The following FBXO27 variants were observed in gnomAD, a reference collection of about 807,000 sequenced individuals.
The protein encoded by FBXO27 is F-box only protein 27.
A neutral mutation model predicts 28.3 loss-of-function variants in FBXO27; 28 were observed. The observed-to-expected ratio is 0.99, with a 90% CI of 0.73 to 1.36. The LOEUF (loss-of-function observed/expected upper bound fraction) is 1.36, where lower values mean the gene tolerates loss of function less well. Among genes scored for constraint, FBXO27 ranks in the 40% most tolerant of loss-of-function variants. The pLI, the probability that FBXO27 is intolerant of heterozygous loss-of-function variation, is 0.00. For missense variants in FBXO27, 388 were observed against 394.1 expected (o/e 0.98, Z 0.13); for synonymous variants, 175 against 167.3 (o/e 1.05, Z -0.36).
chr19:39,031,213 A>G lies in FBXO27; in HGVS notation c.472T>C (p.Phe158Leu). The G allele has an allele frequency of 6.2e-7, 1 of 1,614,122 alleles. No homozygotes were observed. The highest frequency in any genetic ancestry group is 8.5e-7 in the Non-Finnish European group (1 of 1,180,006). ...TTGGATAGCAGGGGCATTCACCTGA[A>G]TGAAGTCACGAAGCACGTCTGAGAA... is the stretch of plus-strand genomic sequence containing the variant. ...APSQTCFVTS[F>L]SWCCKKQVLD... Residue 158 changes from phenylalanine (F) to leucine (L), a missense_variant, in exon 3 of 6, where the codon TTC becomes CTC. By Grantham distance (22) the Phe-to-Leu change is conservative. Coordinates refer to ENST00000292853, the MANE Select transcript of FBXO27 (RefSeq NM_178820.5).
intron 1 of FBXO27, among the ~76,000 whole-genome samples, chr19:39,018,458 C>T (rs921306291): frequency 2.6e-5 from 4 of 152,158 alleles, no homozygotes; most frequent in African/African-American, 9.6e-5. Context: ...TGATATCTTC[C>T]GGTTCTCGTT....
chr19:39,011,683 G>A (rs915064269), intron 2 of FBXO27, among the ~76,000 whole-genome samples: 1 of 51,932 alleles, frequency 1.9e-5, no homozygotes, highest in African/African-American at 5.8e-5. Flanking sequence ...ATTTTTCGCA[G>A]AGATGGCGGC....
chr19:39,016,030 C>G (rs980234929), intron 1 of FBXO27, among the ~76,000 whole-genome samples: 2 of 152,140 alleles, frequency 1.3e-5, no homozygotes, highest in Admixed American at 6.6e-5. Context: ...CAAGATCATG[C>G]CACTGCACTC....
At position 39,031,281 on chromosome 19, in the gene FBXO27, C is replaced by A. The variant is rs765866290; in HGVS notation, c.404G>T (p.Gly135Val). ...TGTCCTGTTTTCCTCCACCACCCAG[C>A]CGTCCCCACCGTGTTGCACCATCCA... is the stretch of plus-strand genomic sequence containing the variant. ...RKWMVQHGGD[G>V]WVVEENRTTV... The change falls in exon 3 of 6, where the codon GGC (glycine) becomes GTC (valine). Residue 135 changes from glycine (G) to valine (V), a missense_variant. Transcript: ENST00000292853. 1 of 1,614,104 alleles carries A rather than the reference C, an allele frequency of 6.2e-7. No individual in the cohort carries two copies. The highest frequency in any genetic ancestry group is 1.1e-5 in the South Asian group (1 of 91,082).
In FBXO27 at chr19:39,026,952, A is replaced by C; in HGVS notation, c.626T>G (p.Leu209Arg). ...GCMYRLLVQL[L>R]DANQTVLDKF... ...ATCTAGAACAGTCTGGTTGGCGTCT[A>C]GAAGTTGGACGAGGAGTCTGTACAT... Residue 209 changes from leucine to arginine, a missense_variant, in exon 5 of 6, where the codon CTA becomes CGA. Transcript: ENST00000292853. 1 of 1,614,212 alleles carries C rather than the reference A, an allele frequency of 6.2e-7. No individual in the cohort carries two copies. Among genetic ancestry groups the C allele is most frequent in the African/African-American group, 1.3e-5 (1 of 75,058 alleles).
chr19:39,010,257 C>G (rs575825239), intron 2 of FBXO27, among the ~76,000 whole-genome samples: 125 of 151,892 alleles, frequency 8.2e-4, no homozygotes, highest in African/African-American at 2.8e-3. Context: ...AGTCTTAGCT[C>G]TTAGTGTTTG....
intron 2 of FBXO27, among the ~76,000 whole-genome samples, chr19:39,007,578 C>T (rs1040902735): frequency 1.3e-5 from 2 of 152,162 alleles, no homozygotes; most frequent in Admixed American, 6.6e-5. Flanking sequence ...TTACTGCCCA[C>T]CCCCAACTCT....
chr19:39,023,758 C>A (rs559566079), downstream of FBXO27, among the ~76,000 whole-genome samples: 4 of 152,020 alleles, frequency 2.6e-5, no homozygotes, highest in Non-Finnish European at 5.9e-5. Flanking sequence ...GGATTACAGG[C>A]GCGTGCCACC....
chr19:39,027,134 C>A, intron 4 of FBXO27, 129 bp from the exon 5 acceptor site: 1 of 1,162,028 alleles, frequency 8.6e-7, no homozygotes, highest in Non-Finnish European at 1.2e-6. Context: ...GGGAGGTGAT[C>A]TCTGGACCTT....
At position 39,025,548 on chromosome 19, in the gene FBXO27, G is replaced by A; in HGVS notation, c.715C>T (p.His239Tyr). The A allele has an allele frequency of 6.2e-7, 1 of 1,613,574 alleles. No homozygotes were observed. The highest frequency in any genetic ancestry group is 8.5e-7 in the Non-Finnish European group (1 of 1,179,718). Residue 239 changes from histidine (H) to tyrosine (Y), a missense_variant, in exon 6 of 6, where the codon CAC (histidine) becomes TAC (tyrosine). Transcript: ENST00000292853. ...WNNNACLHVT[H>Y]VFSNIKMGVR... ...CCCATCTTGATGTTGGAGAACACGTGGGTGACCTGTAGGCAGAGGAGGGGC... is the reference window on the plus strand; with the variant it reads ...CCCATCTTGATGTTGGAGAACACGTAGGTGACCTGTAGGCAGAGGAGGGGC...
intron 2 of FBXO27, among the ~76,000 whole-genome samples, chr19:39,013,990 G>A (rs2072808117): frequency 6.6e-6 from 1 of 152,180 alleles, no homozygotes; most frequent in Non-Finnish European, 1.5e-5. Context: ...TCCAGCCTGG[G>A]GGAGACAGTG....
intron 2 of FBXO27, among the ~76,000 whole-genome samples, chr19:39,009,576 G>A (rs969172086): frequency 2.6e-5 from 4 of 151,954 alleles, no homozygotes; most frequent in Admixed American, 6.6e-5. Flanking sequence ...TGTACTTACC[G>A]AACACTGGTA....
chr19:39,021,493 A>G (rs545159537), downstream of FBXO27, among the ~76,000 whole-genome samples: 17 of 152,128 alleles, frequency 1.1e-4, no homozygotes, highest in Non-Finnish European at 1.6e-4. Flanking sequence ...TCTCTTCCTT[A>G]TAATTTGCTT....
intron 1 of FBXO27, among the ~76,000 whole-genome samples, chr19:39,014,915 G>A (rs1332580241): frequency 4.0e-5 from 6 of 151,834 alleles, no homozygotes; most frequent in African/African-American, 1.5e-4. Context: ...CTACTTGGGA[G>A]GCTGAGGCAA....
At chr19:39,007,072 AAAAAAAT>A (rs1409494666) in intron 2 of FBXO27, among the ~76,000 whole-genome samples, 3 of 150,156 alleles carry the variant, frequency 2.0e-5, no homozygotes, top group Non-Finnish European at 3.0e-5. Flanking sequence ...AAAAAAAAAA[AAAAAAAT>A]ACAGAAAAGT....
intron 2 of FBXO27, among the ~76,000 whole-genome samples, chr19:39,011,694 G>A (rs2318894): frequency 1.6e-4 from 2 of 12,862 alleles, no homozygotes; most frequent in African/African-American, 2.8e-4. Context: ...AGATGGCGGC[G>A]GGGGAGGGGG....
At chr19:39,023,408 C>A (rs982999628), downstream of FBXO27, among the ~76,000 whole-genome samples, 1 of 152,142 alleles carries the variant, frequency 6.6e-6, no homozygotes, top group Non-Finnish European at 1.5e-5. Context: ...GAGGAAAGAG[C>A]ACCTATAAAC....
chr19:39,024,899 G>A lies in FBXO27; in HGVS notation c.*512C>T, dbSNP rs1332843824. ...CCCTGTAGCTCGGAAGCCCCAGGAG[G>A]TGAGGTTCACACCCTTAGGGCTGGG... On this transcript the variant is annotated 3_prime_UTR_variant, in exon 6 of 6. Transcript: ENST00000292853. The A allele has an allele frequency of 6.6e-6, 1 of 152,442 alleles. No individual in the cohort carries two copies. The highest frequency in any genetic ancestry group is 2.4e-5 in the African/African-American group (1 of 41,420). The allele number at this position is 152,442 out of a possible 1,614,324, so 9.4% of individuals were successfully genotyped here.
chr19:39,008,213 G>A (rs1049566780), intron 2 of FBXO27, among the ~76,000 whole-genome samples: 10 of 151,736 alleles, frequency 6.6e-5, no homozygotes, highest in Admixed American at 3.9e-4. Flanking sequence ...TGCAGTGAGC[G>A]GAGATGGTGC....
Sources: allele counts gnomAD v4.1 joint callset (sites outside exome capture counted in the v4.1 genomes callset), GRCh38; gene constraint gnomAD v4.1.1; transcripts MANE v1.5; gene names NCBI Gene and HGNC (gene_info 2026-07-23, HGNC 2026-07-21).